Variants in MBNL2 observed in about 807,000 individuals in gnomAD.
MBNL2 encodes muscleblind like splicing regulator 2.
Under a neutral mutation model 41.9 loss-of-function variants are expected in MBNL2, and 17 were observed. The observed-to-expected ratio is 0.41, with a 90% CI of 0.28 to 0.61. The LOEUF (loss-of-function observed/expected upper bound fraction) is 0.61, where lower values mean the gene tolerates loss of function less well. Ranked by LOEUF, MBNL2 falls within the 20% of genes least tolerant of loss-of-function variation. The probability of loss-of-function intolerance (pLI) is 0.35; values close to 1 mark genes in which losing one functional copy is unlikely to be tolerated. For missense variants in MBNL2, 336 were observed against 505.6 expected (o/e 0.66, Z 3.22); for synonymous variants, 195 against 182.9 (o/e 1.07, Z -0.53).
intron 1 of MBNL2, among the ~76,000 whole-genome samples, chr13:97,227,348 A>G (rs1036413183): frequency 6.6e-6 from 1 of 152,198 alleles, no homozygotes; most frequent in South Asian, 2.1e-4. Flanking sequence ...ACATGACCTC[A>G]GAGGAAAAAG....
chr13:97,159,113 G>C, the MBNL2 span, among the ~76,000 whole-genome samples: 4 of 152,092 alleles, frequency 2.6e-5, no homozygotes, highest in East Asian at 3.8e-4. Context: ...ATGATAGTTA[G>C]CTCTTCTTGT....
At chr13:97,325,362 C>G (rs2059824504) in intron 2 of MBNL2, among the ~76,000 whole-genome samples, 1 of 152,166 alleles carries the variant, frequency 6.6e-6, no homozygotes, top group Non-Finnish European at 1.5e-5. Flanking sequence ...ATCAAGCCAA[C>G]AAACAGCTCT....
intron 2 of MBNL2, among the ~76,000 whole-genome samples, chr13:97,296,451 T>A (rs1354265505): frequency 5.9e-5 from 9 of 152,162 alleles, no homozygotes; most frequent in Non-Finnish European, 1.0e-4. Flanking sequence ...GTGCTTTTTT[T>A]ATAAAAAGAA....
intron 2 of MBNL2, among the ~76,000 whole-genome samples, chr13:97,282,507 A>G (rs902479644): frequency 3.9e-5 from 6 of 152,220 alleles, no homozygotes; most frequent in African/African-American, 1.2e-4. Context: ...TTGTCTGTAT[A>G]TAAATATTAT....
chr13:97,213,707 C>T, the MBNL2 span, among the ~76,000 whole-genome samples: 2 of 152,090 alleles, frequency 1.3e-5, no homozygotes, highest in Non-Finnish European at 2.9e-5. Flanking sequence ...TGTAGCAAGT[C>T]ACGTGATAAA....
At chr13:97,206,334 G>A in the MBNL2 span, among the ~76,000 whole-genome samples, 1 of 151,820 alleles carries the variant, frequency 6.6e-6, no homozygotes, top group Admixed American at 6.6e-5. Flanking sequence ...TACTAGATAA[G>A]CATGTGATTC....
At chr13:97,222,593 A>G (rs2040968010) in intron 1 of MBNL2, 62 bp downstream of exon 1, 2 of 395,842 alleles carry the variant, frequency 5.1e-6, no homozygotes, top group East Asian at 3.6e-5. Context: ...GCTGCATTCC[A>G]TGTGTGCTGC....
At chr13:97,382,739 A>G (rs1025387498) in intron 8 of MBNL2, among the ~76,000 whole-genome samples, 19 of 142,608 alleles carry the variant, frequency 1.3e-4, no homozygotes, top group Non-Finnish European at 2.4e-4. Context: ...CAGTGGCGCC[A>G]TCTTGGCTCA....
chr13:97,145,219 T>G, the MBNL2 span, among the ~76,000 whole-genome samples: 1 of 152,212 alleles, frequency 6.6e-6, no homozygotes, highest in East Asian at 1.9e-4. Flanking sequence ...TTAACTTTGT[T>G]GCTTTAAGCA....
At chr13:97,180,748 A>AT in the MBNL2 span, among the ~76,000 whole-genome samples, 67 of 124,364 alleles carry the variant, frequency 5.4e-4, no homozygotes, top group South Asian at 3.0e-3. Flanking sequence ...TCTAAAAAAA[A>AT]AAAAAAAAAA....
At chr13:97,218,440 C>CAAACAAACAAA (rs1555302256), upstream of MBNL2, among the ~76,000 whole-genome samples, 19 of 117,968 alleles carry the variant, frequency 1.6e-4, no homozygotes, top group East Asian at 1.9e-3. Flanking sequence ...CAAAACAAAA[C>CAAACAAACAAA]AAAAAAAAAA....
chr13:97,257,060 A>T (rs1247768335), intron 1 of MBNL2, among the ~76,000 whole-genome samples: 1 of 152,222 alleles, frequency 6.6e-6, no homozygotes, highest in Non-Finnish European at 1.5e-5. Flanking sequence ...TTGCTTTTTC[A>T]TGCATGCCTT....
chr13:97,302,909 A>C (rs1196617459), intron 2 of MBNL2, among the ~76,000 whole-genome samples: 1 of 152,212 alleles, frequency 6.6e-6, no homozygotes, highest in Non-Finnish European at 1.5e-5. Context: ...CTGTGCCACC[A>C]ATCCCTACAA....
intron 4 of MBNL2, among the ~76,000 whole-genome samples, chr13:97,345,794 G>T (rs1236912971): frequency 2.9e-5 from 3 of 103,692 alleles, no homozygotes; most frequent in Non-Finnish European, 5.2e-5. Flanking sequence ...GGAGGAACAA[G>T]TTTGTCGTCA....
Position 97,392,300 on chromosome 13 carries a change from G to A in MBNL2, c.*851G>A, listed in dbSNP as rs2066405444. On this transcript the variant is annotated 3_prime_UTR_variant, in exon 9 of 9. Transcript: ENST00000679496. ...GTCAAACAAGGAAGCTGTAGGTGAG[G>A]AGATCTGTATAATATTCTAATTTAA... The A allele has an allele frequency of 1.3e-5, 2 of 152,488 alleles. No homozygotes were observed. The highest frequency in any genetic ancestry group is 4.8e-5 in the African/African-American group (2 of 41,428). The allele number at this position is 152,488 out of a possible 1,614,324, so 9.4% of individuals were successfully genotyped here.
At chr13:97,204,630 T>A in the MBNL2 span, among the ~76,000 whole-genome samples, 1 of 152,076 alleles carries the variant, frequency 6.6e-6, no homozygotes, top group Non-Finnish European at 1.5e-5. Flanking sequence ...CTTGAAAAAA[T>A]TCTTAATTAT....
intron 2 of MBNL2, among the ~76,000 whole-genome samples, chr13:97,314,648 C>T (rs1357146267): frequency 6.6e-6 from 1 of 152,218 alleles, no homozygotes; most frequent in African/African-American, 2.4e-5. Context: ...TGTCCAAGAA[C>T]ATGACTCTTG....
At chr13:97,321,669 T>C (rs1024089908) in intron 2 of MBNL2, among the ~76,000 whole-genome samples, 2 of 152,250 alleles carry the variant, frequency 1.3e-5, no homozygotes, top group African/African-American at 2.4e-5. Flanking sequence ...TACCTTTAAA[T>C]TGGGGTAACA....
the MBNL2 span, among the ~76,000 whole-genome samples, chr13:97,195,990 C>T: frequency 6.6e-6 from 1 of 152,154 alleles, no homozygotes; most frequent in Non-Finnish European, 1.5e-5. Flanking sequence ...GTGCTGCATT[C>T]GTTTTAGCCT....
Sources: gnomAD v4.1 joint callset for allele counts (sites outside exome capture counted in the v4.1 genomes callset) on GRCh38, gnomAD v4.1.1 for gene constraint, MANE v1.5 for transcripts, NCBI Gene and HGNC (gene_info 2026-07-23, HGNC 2026-07-21) for gene names.